The following CFH variants were observed in gnomAD, a reference collection of about 807,000 sequenced individuals.
CFH encodes the protein H factor 1 (complement).
A neutral mutation model predicts 147.3 loss-of-function variants in CFH; 53 were observed. That is an observed-to-expected ratio of 0.36 (90% CI 0.29 to 0.45). The LOEUF is 0.45. Among genes scored for constraint, CFH ranks in the 20% least tolerant of loss-of-function variants. The probability of loss-of-function intolerance (pLI) is 1.00; values close to 1 mark genes in which losing one functional copy is unlikely to be tolerated. For synonymous variants in CFH, 536 were observed against 489.4 expected (o/e 1.10, Z -1.26); for missense variants, 1,380 against 1,498.0 (o/e 0.92, Z 1.30).
chr1:196,743,956 T>C (rs1320226163), intron 20 of CFH, among the ~76,000 whole-genome samples: 1 of 152,124 alleles, frequency 6.6e-6, no homozygotes, highest in Non-Finnish European at 1.5e-5. Context: ...TTCTAAGATA[T>C]GGAATAGGCA....
Position 196,715,593 on chromosome 1 carries a change from A to T in CFH, c.1520A>T (p.Lys507Ile). 1 of 1,609,112 alleles carries T rather than the reference A, an allele frequency of 6.2e-7. No individual in the cohort carries two copies. The highest frequency in any genetic ancestry group is 1.3e-5 in the African/African-American group (1 of 74,866). The change falls in exon 11 of 22, where the codon AAA becomes ATA. Residue 507 changes from lysine to isoleucine, a missense_variant and splice_region_variant. Coordinates refer to ENST00000367429, the MANE Select transcript of CFH (RefSeq NM_000186.4). ...DGWSAQPTCI[K>I]SCDIPVFMNA... Reference sequence around the variant, plus strand: ...ACATTCTAAATTTTTTATGCACTAGAATCTTGTGATATCCCAGTATTTATG... The same window carrying T: ...ACATTCTAAATTTTTTATGCACTAGTATCTTGTGATATCCCAGTATTTATG...
At chr1:196,670,341 C>G (rs987021840) in intron 1 of CFH, among the ~76,000 whole-genome samples, 24 of 151,980 alleles carry the variant, frequency 1.6e-4, no homozygotes, top group African/African-American at 5.8e-4. Flanking sequence ...TTGGGAAAGG[C>G]AAGGGGCAGA....
At chr1:196,741,017 T>C (rs973483227) in intron 18 of CFH, 6 of 544,358 alleles carry the variant, frequency 1.1e-5, no homozygotes, top group Non-Finnish European at 2.0e-5. Context: ...CATCCTCTGA[T>C]GTATATTCTC....
chr1:196,693,259 C>A (rs898147677), intron 9 of CFH, among the ~76,000 whole-genome samples: 3 of 152,022 alleles, frequency 2.0e-5, no homozygotes, highest in African/African-American at 7.2e-5. Context: ...TGAATGCAAA[C>A]TGGCTGTAGT....
intron 5 of CFH, chr1:196,677,893 G>A: frequency 2.0e-6 from 1 of 500,010 alleles, no homozygotes; most frequent in Non-Finnish European, 3.6e-6. Context: ...TATAATGGAA[G>A]AGACTGGTGC....
At chr1:196,731,807 T>A (rs1292793076) in intron 15 of CFH, among the ~76,000 whole-genome samples, 2 of 152,030 alleles carry the variant, frequency 1.3e-5, no homozygotes, top group African/African-American at 4.8e-5. Context: ...ATTTTGAGTA[T>A]ATCATTCCAC....
chr1:196,706,424 A>G (rs1206351265), intron 9 of CFH, among the ~76,000 whole-genome samples: 1 of 152,182 alleles, frequency 6.6e-6, no homozygotes, highest in African/African-American at 2.4e-5. Flanking sequence ...ATCACTAGGC[A>G]GAGCAGGCCA....
At chr1:196,653,589 A>G (rs1162368134) in intron 1 of CFH, among the ~76,000 whole-genome samples, 1 of 152,014 alleles carries the variant, frequency 6.6e-6, no homozygotes, top group African/African-American at 2.4e-5. Flanking sequence ...AAAATCAAGA[A>G]TCAATGGCAA....
intron 1 of CFH, among the ~76,000 whole-genome samples, chr1:196,661,575 T>A (rs1412419200): frequency 2.6e-5 from 4 of 152,180 alleles, no homozygotes; most frequent in Non-Finnish European, 5.9e-5. Flanking sequence ...TGGTGCCTCT[T>A]CTATAAAGGC....
chr1:196,709,851 A>T (rs904748451), intron 9 of CFH, among the ~76,000 whole-genome samples: 9 of 152,158 alleles, frequency 5.9e-5, no homozygotes, highest in Non-Finnish European at 1.3e-4. Flanking sequence ...TTCACAAAAA[A>T]TTAAAAAATT....
chr1:196,741,391 T>C (rs1652805311), intron 18 of CFH: 1 of 175,750 alleles, frequency 5.7e-6, no homozygotes, highest in South Asian at 1.2e-4. Flanking sequence ...GAGAGAGGAG[T>C]GAGTGAAGGA....
At chr1:196,653,952 T>A (rs947848259) in intron 1 of CFH, among the ~76,000 whole-genome samples, 1 of 152,096 alleles carries the variant, frequency 6.6e-6, no homozygotes, top group African/African-American at 2.4e-5. Context: ...GGAGAAAAAC[T>A]ACATGAATTT....
chr1:196,747,145 T>A lies in CFH; in HGVS notation c.3528T>A (p.Asn1176Lys). The A allele has an allele frequency of 6.2e-7, 1 of 1,613,824 alleles. No individual in the cohort carries two copies. Among genetic ancestry groups the A allele is most frequent in the Non-Finnish European group, 8.5e-7 (1 of 1,179,828 alleles). ...PCVISREIME[N>K]YNIALRWTAK... ...TAATATCCCGAGAAATTATGGAAAA[T>A]TATAACATAGCATTAAGGTGGACAG... The change falls in exon 22 of 22, where the codon AAT (asparagine) becomes AAA (lysine). Residue 1176 changes from asparagine to lysine, a missense_variant. By Grantham distance (94) the Asn-to-Lys change is moderately conservative. Coordinates refer to ENST00000367429, the MANE Select transcript of CFH (RefSeq NM_000186.4).
intron 15 of CFH, among the ~76,000 whole-genome samples, chr1:196,733,862 A>C (rs886077738): frequency 6.6e-6 from 1 of 152,110 alleles, no homozygotes; most frequent in African/African-American, 2.4e-5. Flanking sequence ...TTTAGAATTC[A>C]GACCTCTAAG....
At chr1:196,681,769 C>T (rs931945403) in intron 6 of CFH, among the ~76,000 whole-genome samples, 20 of 151,682 alleles carry the variant, frequency 1.3e-4, no homozygotes, top group South Asian at 1.2e-3. Flanking sequence ...ATATACTTTA[C>T]GCTGATTAGA....
At chr1:196,716,559 C>T (rs1011307170) in intron 11 of CFH, among the ~76,000 whole-genome samples, 3 of 151,978 alleles carry the variant, frequency 2.0e-5, no homozygotes, top group Admixed American at 6.6e-5. Context: ...AGGCAAGAGG[C>T]GACACCATGA....
intron 9 of CFH, among the ~76,000 whole-genome samples, chr1:196,700,341 C>T (rs1668413070): frequency 6.6e-6 from 1 of 152,066 alleles, no homozygotes; most frequent in African/African-American, 2.4e-5. Context: ...GGCATACAAA[C>T]CTTACAATCT....
chr1:196,660,946 T>A (rs536542720), intron 1 of CFH, among the ~76,000 whole-genome samples: 1 of 152,314 alleles, frequency 6.6e-6, no homozygotes, highest in South Asian at 2.1e-4. Flanking sequence ...GCTAAACTTT[T>A]TTTGTGTTAA....
At position 196,679,782 on chromosome 1, in the gene CFH, C is replaced by T; in HGVS notation, c.779C>T (p.Pro260Leu). The stretch of plus-strand genomic sequence containing the variant: ...ACTGAATCTGGATGGCGTCCGTTGC[C>T]TTCATGTGAAGGTAATGTTACCTTT... ...VCTESGWRPL[P>L]SCEEKSCDNP... The change falls in exon 6 of 22, where the codon CCT becomes CTT. Residue 260 changes from proline (P) to leucine (L), a missense_variant. Around this residue, in one of 4 missense-constraint regions of CFH, gnomAD observed 167 missense variants for 228.0 expected, o/e 0.73. Coordinates refer to ENST00000367429, the MANE Select transcript of CFH (RefSeq NM_000186.4). 1 of 1,610,346 alleles carries T rather than the reference C, an allele frequency of 6.2e-7. No homozygotes were observed. The highest frequency in any genetic ancestry group is 8.5e-7 in the Non-Finnish European group (1 of 1,177,772).
Sources: gnomAD v4.1 joint callset for allele counts (sites outside exome capture counted in the v4.1 genomes callset) on GRCh38, gnomAD v4.1.1 for gene constraint, gnomAD v4.1.1 regional missense constraint, MANE v1.5 for transcripts, NCBI Gene and HGNC (gene_info 2026-07-23, HGNC 2026-07-21) for gene names.